The following RAD51 variants were observed in gnomAD, a reference collection of about 807,000 sequenced individuals.
RAD51 encodes the protein DNA repair protein RAD51 homolog 1.
RAD51 carries 14 observed loss-of-function variants against 41.5 expected under a neutral mutation model. The observed-to-expected ratio is 0.34, with a 90% CI of 0.22 to 0.53. The LOEUF (loss-of-function observed/expected upper bound fraction) is 0.53, where lower values mean the gene tolerates loss of function less well. Among genes scored for constraint, RAD51 ranks in the 20% least tolerant of loss-of-function variants. The pLI is 0.95. For missense variants in RAD51, 234 were observed against 422.0 expected, an observed-to-expected ratio of 0.55 and a Z score of 3.90; for synonymous variants, 136 against 148.6, an observed-to-expected ratio of 0.92 and a Z score of 0.62.
intron 5 of RAD51, among the ~76,000 whole-genome samples, chr15:40,713,603 T>TA (rs1447102179): frequency 1.4e-5 from 2 of 146,202 alleles, no homozygotes; most frequent in Non-Finnish European, 3.0e-5. Flanking sequence ...ACCAAAATGT[T>TA]ACAATTTTTT....
intron 5 of RAD51, 146 bp downstream of exon 5, chr15:40,709,262 A>G: frequency 1.4e-6 from 1 of 696,520 alleles, no homozygotes; most frequent in Non-Finnish European, 2.5e-6. Context: ...ATAGACTCCT[A>G]CTTCAAAATC....
At chr15:40,702,576 A>C (rs7171898) in intron 3 of RAD51, among the ~76,000 whole-genome samples, 3,987 of 151,792 alleles carry the variant, frequency 0.026, 169 homozygotes, top group African/African-American at 0.092. Flanking sequence ...ACAATGGTGC[A>C]ATTTTGGCTC....
chr15:40,700,471 T>C (rs1290170126), intron 2 of RAD51, among the ~76,000 whole-genome samples: 1 of 152,174 alleles, frequency 6.6e-6, no homozygotes, highest in African/African-American at 2.4e-5. Flanking sequence ...TTATGTGTGC[T>C]TGATGTGGAA....
At chr15:40,722,071 CTA>C (rs778077344) in intron 6 of RAD51, among the ~76,000 whole-genome samples, 16 of 152,186 alleles carry the variant, frequency 1.1e-4, no homozygotes, top group Non-Finnish European at 2.2e-4. Flanking sequence ...TTAACATCCA[CTA>C]ACCTTCAGGG....
chr15:40,706,947 C>T (rs1329503667), intron 4 of RAD51, among the ~76,000 whole-genome samples: 1 of 152,062 alleles, frequency 6.6e-6, no homozygotes, highest in African/African-American at 2.4e-5. Flanking sequence ...TCATTGTGTA[C>T]ACACTAATCT....
chr15:40,724,862 A>AGTAG (rs1896485377), intron 6 of RAD51, among the ~76,000 whole-genome samples: 1 of 119,622 alleles, frequency 8.4e-6, no homozygotes, highest in African/African-American at 3.2e-5. Flanking sequence ...TGTATTTTTT[A>AGTAG]ATTTTAATTT....
At chr15:40,730,114 A>G (rs568391248) in intron 9 of RAD51, 140 bp downstream of exon 9, 6 of 1,231,352 alleles carry the variant, frequency 4.9e-6, no homozygotes, top group Middle Eastern at 2.3e-4. Context: ...TCTAATTAAC[A>G]TGCTCTCGTT....
intron 2 of RAD51, among the ~76,000 whole-genome samples, chr15:40,699,357 A>G (rs1033427540): frequency 1.3e-5 from 2 of 152,186 alleles, no homozygotes; most frequent in Non-Finnish European, 2.9e-5. Context: ...TGGTCAGGCT[A>G]GTCTCGAACT....
At chr15:40,712,004 C>T (rs1338857783) in intron 5 of RAD51, among the ~76,000 whole-genome samples, 2 of 148,258 alleles carry the variant, frequency 1.3e-5, no homozygotes, top group African/African-American at 2.5e-5. Context: ...CCCAGGAGGC[C>T]AAGGTTGCCA....
At chr15:40,720,196 C>T (rs955415679) in intron 6 of RAD51, among the ~76,000 whole-genome samples, 3 of 151,960 alleles carry the variant, frequency 2.0e-5, no homozygotes, top group African/African-American at 4.8e-5. Context: ...ACTGCAACTT[C>T]CACCTCTTGG....
intron 7 of RAD51, 110 bp downstream of exon 7, chr15:40,728,934 T>A: frequency 1.1e-6 from 1 of 939,046 alleles, no homozygotes. Flanking sequence ...TGAGGAGGTT[T>A]AAGTATAATT....
chr15:40,705,872 C>T (rs532000878), intron 3 of RAD51, among the ~76,000 whole-genome samples: 1 of 152,178 alleles, frequency 6.6e-6, no homozygotes, highest in Non-Finnish European at 1.5e-5. Flanking sequence ...TTCCAAAGTG[C>T]TGGGATTACA....
At chr15:40,710,716 C>T (rs925653425) in intron 5 of RAD51, among the ~76,000 whole-genome samples, 4 of 152,096 alleles carry the variant, frequency 2.6e-5, no homozygotes, top group South Asian at 4.1e-4. Context: ...AAAAACCTAA[C>T]CTGCTCTTTG....
intron 4 of RAD51, among the ~76,000 whole-genome samples, chr15:40,708,705 C>A (rs1895509857): frequency 6.6e-6 from 1 of 151,982 alleles, no homozygotes. Flanking sequence ...CACCTTAGCT[C>A]CTGAGTAGCT....
chr15:40,709,652 C>T (rs1187351703), intron 5 of RAD51, among the ~76,000 whole-genome samples: 2 of 152,040 alleles, frequency 1.3e-5, no homozygotes, highest in Non-Finnish European at 2.9e-5. Context: ...GAATTATAGG[C>T]GTAAGCCACT....
intron 5 of RAD51, among the ~76,000 whole-genome samples, chr15:40,715,194 A>G (rs943060425): frequency 6.6e-6 from 1 of 152,116 alleles, no homozygotes; most frequent in Non-Finnish European, 1.5e-5. Context: ...TGTCTCTACT[A>G]AAAATACAAA....
chr15:40,709,371 CTTT>C (rs772005920), intron 5 of RAD51, among the ~76,000 whole-genome samples: 3 of 110,882 alleles, frequency 2.7e-5, no homozygotes, highest in African/African-American at 7.3e-5. Flanking sequence ...TTACTTGCTA[CTTT>C]TTTTTTTTTT....
intron 5 of RAD51, among the ~76,000 whole-genome samples, chr15:40,710,167 GGGAGGCACAGCT>G (rs1895603023): frequency 6.8e-6 from 1 of 146,146 alleles, no homozygotes; most frequent in Non-Finnish European, 1.5e-5. Context: ...GCGTGAACCC[GGGAGGCACAGCT>G]TGCAGTGAGC....
At chr15:40,709,147 A>T in intron 5 of RAD51, 31 bp downstream of exon 5, 1 of 1,550,922 alleles carries the variant, frequency 6.4e-7, no homozygotes, top group Middle Eastern at 1.7e-4. Context: ...CTAATCAAAT[A>T]AGCAAGCATT....
Sources: allele counts gnomAD v4.1 joint callset (sites outside exome capture counted in the v4.1 genomes callset), GRCh38; gene constraint gnomAD v4.1.1; transcripts MANE v1.5; gene names NCBI Gene and HGNC (gene_info 2026-07-23, HGNC 2026-07-21).